ROBO2: variants seen among roughly 807,000 people sequenced by gnomAD.
ROBO2 encodes roundabout homolog 2.
A neutral mutation model predicts 160.8 loss-of-function variants in ROBO2; 53 were observed. That is an observed-to-expected ratio of 0.33 (90% CI 0.26 to 0.41). The LOEUF (loss-of-function observed/expected upper bound fraction) is 0.41, where lower values mean the gene tolerates loss of function less well. Among genes scored for constraint, ROBO2 ranks in the 10% least tolerant of loss-of-function variants. The pLI is 1.00. For synonymous variants in ROBO2, 664 were observed against 611.7 expected, an observed-to-expected ratio of 1.09 and a Z score of -1.26; for missense variants, 1,577 against 1,722.4, an observed-to-expected ratio of 0.92 and a Z score of 1.49.
Position 76,054,475 on chromosome 3 carries a change from T to C in ROBO2, c.109+116873T>C, listed in dbSNP as rs541141438. Reference sequence around the variant, plus strand: ...ACTATACCCCTGTTGTTCACTGTTATCATGGCTTTCATTTTTCTATCCAGC... The same window carrying C: ...ACTATACCCCTGTTGTTCACTGTTACCATGGCTTTCATTTTTCTATCCAGC... On this transcript the variant is annotated intron_variant, in intron 2 of 26. Coordinates refer to the ROBO2 transcript ENST00000487694. Among the ~76,000 whole-genome samples the C allele has an allele frequency of 1.9e-3, 287 of 152,340 alleles. 3 individuals carry two copies. Among genetic ancestry groups the C allele is most frequent in the South Asian group, 4.8e-3 (23 of 4,828 alleles).
At chr3:75,992,033 A>C (rs150342154) in intron 2 of ROBO2, among the ~76,000 whole-genome samples, 7 of 152,176 alleles carry the variant, frequency 4.6e-5, no homozygotes, top group Non-Finnish European at 7.3e-5. Context: ...CTGTAAAAGG[A>C]AGTCAGTTTT....
chr3:76,582,730 G>A (rs1221452293), intron 2 of ROBO2, among the ~76,000 whole-genome samples: 1 of 152,076 alleles, frequency 6.6e-6, no homozygotes, highest in Non-Finnish European at 1.5e-5. Flanking sequence ...TGGTCAGTAT[G>A]GTTAGAGTCA....
At chr3:76,756,991 T>C (rs2061012180) in intron 2 of ROBO2, among the ~76,000 whole-genome samples, 1 of 151,876 alleles carries the variant, frequency 6.6e-6, no homozygotes, top group Non-Finnish European at 1.5e-5. Flanking sequence ...CCTGATCACA[T>C]TGATGTCCAA....
chr3:77,440,499 A>C (rs956887162), intron 2 of ROBO2, among the ~76,000 whole-genome samples: 11 of 152,182 alleles, frequency 7.2e-5, no homozygotes, highest in Non-Finnish European at 1.6e-4. Context: ...ATATGGCTTT[A>C]GTAGTTAAAA....
chr3:76,329,688 G>T (rs957333830), intron 2 of ROBO2, among the ~76,000 whole-genome samples: 3 of 152,218 alleles, frequency 2.0e-5, no homozygotes, highest in Non-Finnish European at 2.9e-5. Context: ...GCAAGAATAT[G>T]CAAGGAATCA....
intron 2 of ROBO2, among the ~76,000 whole-genome samples, chr3:76,867,684 A>G (rs1241092036): frequency 6.6e-6 from 1 of 152,156 alleles, no homozygotes; most frequent in Non-Finnish European, 1.5e-5. Flanking sequence ...AATTAGAAAG[A>G]TTTTCTAAAA....
intron 2 of ROBO2, among the ~76,000 whole-genome samples, chr3:76,579,103 T>C (rs2085490229): frequency 6.6e-6 from 1 of 152,150 alleles, no homozygotes; most frequent in Middle Eastern, 3.2e-3. Flanking sequence ...CTTTGCTCCC[T>C]ATATTTTCTT....
chr3:75,909,883 A>G (rs536622883), intron 1 of ROBO2, among the ~76,000 whole-genome samples: 9 of 152,304 alleles, frequency 5.9e-5, no homozygotes, highest in South Asian at 4.1e-4. Flanking sequence ...CCTAATTTAG[A>G]AATATTATTC....
intron 2 of ROBO2, among the ~76,000 whole-genome samples, chr3:76,532,363 A>G (rs2593862): frequency 0.11 from 16,722 of 152,144 alleles, 1,968 homozygotes; most frequent in African/African-American, 0.29. Flanking sequence ...TGACATGCAC[A>G]CTTTTGGAGG....
At chr3:77,537,748 CA>C (rs1230860306) in intron 6 of ROBO2, among the ~76,000 whole-genome samples, 4 of 152,142 alleles carry the variant, frequency 2.6e-5, no homozygotes, top group African/African-American at 7.2e-5. Flanking sequence ...GGGGAGGCCT[CA>C]CAATCATGGC....
At chr3:76,827,802 G>GAA (rs146683950) in intron 2 of ROBO2, among the ~76,000 whole-genome samples, 1 of 147,652 alleles carries the variant, frequency 6.8e-6, no homozygotes, top group African/African-American at 2.5e-5. Flanking sequence ...TAGCAGCTTG[G>GAA]AAAAAAAAAA....
intron 2 of ROBO2, among the ~76,000 whole-genome samples, chr3:76,580,352 TTG>T (rs1377967582): frequency 1.4e-5 from 2 of 145,414 alleles, no homozygotes; most frequent in Non-Finnish European, 3.0e-5. Context: ...GTTTTTTTTT[TTG>T]TTTTTTTTTT....
chr3:77,440,957 C>T (rs2079859004), intron 2 of ROBO2, among the ~76,000 whole-genome samples: 1 of 152,014 alleles, frequency 6.6e-6, no homozygotes, highest in Non-Finnish European at 1.5e-5. Context: ...CCCATGCCTC[C>T]CCATTTTCTC....
chr3:77,182,792 G>A (rs563673345), intron 2 of ROBO2, among the ~76,000 whole-genome samples: 113 of 152,204 alleles, frequency 7.4e-4, no homozygotes, highest in African/African-American at 2.6e-3. Context: ...AAGGTGTTAA[G>A]TAAAGACTGT....
chr3:76,798,640 C>A (rs544119327), intron 2 of ROBO2, among the ~76,000 whole-genome samples: 17 of 152,200 alleles, frequency 1.1e-4, no homozygotes, highest in Non-Finnish European at 2.2e-4. Flanking sequence ...GCCTATAATC[C>A]CAACACTTTG....
At chr3:77,497,804 T>G (rs1038090485) in intron 5 of ROBO2, among the ~76,000 whole-genome samples, 19 of 152,208 alleles carry the variant, frequency 1.2e-4, no homozygotes, top group African/African-American at 4.6e-4. Context: ...TATTGTATAT[T>G]TTCGTTATAT....
At chr3:76,765,580 C>T (rs1399574572) in intron 2 of ROBO2, among the ~76,000 whole-genome samples, 1 of 151,636 alleles carries the variant, frequency 6.6e-6, no homozygotes, top group Non-Finnish European at 1.5e-5. Flanking sequence ...TCTTGGCACA[C>T]TCACTGTGGA....
intron 2 of ROBO2, among the ~76,000 whole-genome samples, chr3:76,285,241 A>G (rs570198363): frequency 2.8e-4 from 42 of 152,286 alleles, no homozygotes; most frequent in Middle Eastern, 3.4e-3. Flanking sequence ...TTTCTAAGCT[A>G]TAATTCTTCT....
chr3:77,218,290 TGTACATTTCTGCCTGGA>T (rs2085248816), intron 2 of ROBO2, among the ~76,000 whole-genome samples: 1 of 152,194 alleles, frequency 6.6e-6, no homozygotes, highest in Admixed American at 6.5e-5. Flanking sequence ...TAATGTATTT[TGTACATTTCTGCCTGGA>T]ATTTTTCTCG....
Sources: allele counts gnomAD v4.1 joint callset (sites outside exome capture counted in the v4.1 genomes callset), GRCh38; gene constraint gnomAD v4.1.1; transcripts MANE v1.5; gene names NCBI Gene and HGNC (gene_info 2026-07-23, HGNC 2026-07-21).